The following SCARB2 variants were observed in gnomAD, a reference collection of about 807,000 sequenced individuals.
SCARB2 encodes the protein scavenger receptor class B member 2.
SCARB2 carries 29 observed loss-of-function variants against 58.6 expected under a neutral mutation model. That is an observed-to-expected ratio of 0.49 (90% CI 0.37 to 0.67). SCARB2 has a LOEUF of 0.67. Among genes scored for constraint, SCARB2 ranks in the 30% least tolerant of loss-of-function variants. The probability of loss-of-function intolerance (pLI) is 0.00; values close to 1 mark genes in which losing one functional copy is unlikely to be tolerated. For synonymous variants in SCARB2, 195 were observed against 210.1 expected (o/e 0.93, Z 0.62); for missense variants, 488 against 578.5 (o/e 0.84, Z 1.60).
intron 2 of SCARB2, among the ~76,000 whole-genome samples, chr4:76,189,271 T>A (rs927268482): frequency 4.6e-5 from 7 of 152,192 alleles, no homozygotes; most frequent in African/African-American, 1.7e-4. Context: ...ATGCACATAT[T>A]TATTAGTCTG....
At position 76,213,530 on chromosome 4, in the gene SCARB2, C is replaced by G. The variant is rs981523771; in HGVS notation, c.14G>C (p.Cys5Ser). ...GGACAACGTCCCCGCCGTGTAGAAG[C>G]AGCATCGGCCCATTCTGTGCGCCGC... Reference protein sequence around the residue: MGRCCFYTAGTLSLL... With the variant: MGRCSFYTAGTLSLL... Residue 5 changes from cysteine to serine, a missense_variant, in exon 1 of 12, where the codon TGC becomes TCC. By Grantham distance (112) the Cys-to-Ser change is moderately radical. Transcript: ENST00000264896. 6.2e-7 allele frequency: 1 copy of G among 1,609,746 alleles called. No homozygotes were observed. Among genetic ancestry groups the G allele is most frequent in the Non-Finnish European group, 8.5e-7 (1 of 1,178,230 alleles).
rs150870503 is a variant in SCARB2 at position 76,174,227 on chromosome 4, T to C, written c.911A>G (p.Asn304Ser). 77 of 1,614,114 alleles carry C rather than the reference T, an allele frequency of 4.8e-5. No homozygotes were observed. Among genetic ancestry groups the C allele is most frequent in the Non-Finnish European group, 5.8e-5 (69 of 1,180,044 alleles). The change falls in exon 7 of 12, where the codon AAT becomes AGT. Residue 304 changes from asparagine (N) to serine (S), a missense_variant. Physicochemically the swap from Asn to Ser is conservative, Grantham distance 46. Coordinates refer to ENST00000264896, the MANE Select transcript of SCARB2 (RefSeq NM_005506.4). ...RYKVPAEILA[N>S]TSDNAGFCIP... ...ACAGAAGCCGGCATTGTCTGACGTA[T>C]TGGCTAATATTTCTGCAGGAACTTT...
At chr4:76,228,348 G>A (rs1340954938) in intron 1 of SCARB2, among the ~76,000 whole-genome samples, 8 of 151,820 alleles carry the variant, frequency 5.3e-5, no homozygotes, top group Admixed American at 5.2e-4. Context: ...GTGTGGTAGT[G>A]CATGCCTGTA....
chr4:76,221,697 C>T (rs938687665), intron 1 of SCARB2, among the ~76,000 whole-genome samples: 1 of 152,184 alleles, frequency 6.6e-6, no homozygotes, highest in Non-Finnish European at 1.5e-5. Flanking sequence ...AGCTAAAGAG[C>T]TAAGCATCAA....
rs753621410 is a variant in SCARB2, at chr4:76,163,323, T to A, written c.1300A>T (p.Ile434Phe). ...RLKSMINTTL[I>F]ITNIPYIIMA... ...ATGATGTAGGGTATGTTGGTGATGA[T>A]CAAAGTAGTGTTAATCATAGACTTC... The change falls in exon 11 of 12, where the codon ATC (isoleucine) becomes TTC (phenylalanine). Residue 434 changes from isoleucine to phenylalanine, a missense_variant. Coordinates refer to ENST00000264896, the MANE Select transcript of SCARB2 (RefSeq NM_005506.4). The A allele has an allele frequency of 6.2e-7, 1 of 1,614,084 alleles. No individual in the cohort carries two copies. The highest frequency in any genetic ancestry group is 1.3e-5 in the African/African-American group (1 of 74,928).
chr4:76,183,084 T>C (rs1732417886), intron 2 of SCARB2, among the ~76,000 whole-genome samples: 1 of 152,240 alleles, frequency 6.6e-6, no homozygotes, highest in Non-Finnish European at 1.5e-5. Context: ...TGCATTCATA[T>C]AGATGCATAC....
At chr4:76,210,498 G>A (rs886604990) in intron 1 of SCARB2, among the ~76,000 whole-genome samples, 1 of 152,218 alleles carries the variant, frequency 6.6e-6, no homozygotes, top group African/African-American at 2.4e-5. Flanking sequence ...AGGCCTAAGG[G>A]AGGAAAAGGA....
At chr4:76,209,861 A>G (rs1294108049) in intron 1 of SCARB2, among the ~76,000 whole-genome samples, 1 of 152,190 alleles carries the variant, frequency 6.6e-6, no homozygotes, top group Non-Finnish European at 1.5e-5. Context: ...AAAGGTGTAA[A>G]CAGTCTCCCA....
At chr4:76,225,095 A>G (rs553708504) in intron 1 of SCARB2, among the ~76,000 whole-genome samples, 1 of 152,284 alleles carries the variant, frequency 6.6e-6, no homozygotes, top group African/African-American at 2.4e-5. Flanking sequence ...AACTCCACCC[A>G]GGTTGCTGCA....
chr4:76,202,287 G>C (rs1020810856), intron 1 of SCARB2, among the ~76,000 whole-genome samples: 1 of 151,982 alleles, frequency 6.6e-6, no homozygotes, highest in African/African-American at 2.4e-5. Context: ...TTTTGAGAGG[G>C]AGTCTCATTC....
At chr4:76,196,647 C>G (rs1000231661) in intron 1 of SCARB2, among the ~76,000 whole-genome samples, 1 of 152,192 alleles carries the variant, frequency 6.6e-6, no homozygotes, top group African/African-American at 2.4e-5. Context: ...ACATCCATCC[C>G]TACCGCCTCC....
At chr4:76,178,438 C>A (rs879644273) in intron 4 of SCARB2, among the ~76,000 whole-genome samples, 2 of 152,140 alleles carry the variant, frequency 1.3e-5, no homozygotes, top group African/African-American at 2.4e-5. Flanking sequence ...TTATATAATG[C>A]AAATTATCTG....
At chr4:76,193,465 C>A (rs1040983938) in intron 2 of SCARB2, 2 of 152,294 alleles carry the variant, frequency 1.3e-5, no homozygotes, top group African/African-American at 4.8e-5. Context: ...GTAGAGCCAC[C>A]ATCAGCTTGC....
intron 1 of SCARB2, among the ~76,000 whole-genome samples, chr4:76,202,379 AG>A (rs1732845099): frequency 6.6e-6 from 1 of 152,120 alleles, no homozygotes; most frequent in Non-Finnish European, 1.5e-5. Flanking sequence ...CTCCTGCCTC[AG>A]CCTCTCGAGT....
intron 1 of SCARB2, among the ~76,000 whole-genome samples, chr4:76,196,684 C>CT (rs1341970240): frequency 2.0e-5 from 3 of 152,162 alleles, no homozygotes; most frequent in Non-Finnish European, 4.4e-5. Context: ...AATGTATTTT[C>CT]TTATTGGATC....
At position 76,182,905 on chromosome 4, in the gene SCARB2, T is replaced by G. The variant is rs1578725269; in HGVS notation, c.276-1804A>C. 2.6e-5 allele frequency among the ~76,000 whole-genome samples: 4 copies of G among 152,102 alleles called. No individual in the cohort carries two copies. In the South Asian group the frequency reaches 8.3e-4, roughly 32 times the overall value. On this transcript the variant is annotated intron_variant, in intron 2 of 11. Coordinates refer to ENST00000264896, the MANE Select transcript of SCARB2 (RefSeq NM_005506.4). ...TACAATGGGTTTATCTGGATGTAAC[T>G]CTATCGTCATTGGAGGGGCATGCCA...
chr4:76,223,542 TC>T (rs1733345099), intron 1 of SCARB2, among the ~76,000 whole-genome samples: 1 of 152,152 alleles, frequency 6.6e-6, no homozygotes, highest in Non-Finnish European at 1.5e-5. Context: ...CTTCCTCTAA[TC>T]CCTTGCTACT....
At chr4:76,195,472 G>A (rs1028727999) in intron 2 of SCARB2, 1 of 542,372 alleles carries the variant, frequency 1.8e-6, no homozygotes, top group African/African-American at 1.9e-5. Flanking sequence ...GCCAACTCAG[G>A]AGGAAACCGC....
At chr4:76,186,774 T>C (rs1157706428) in intron 2 of SCARB2, among the ~76,000 whole-genome samples, 2 of 152,192 alleles carry the variant, frequency 1.3e-5, no homozygotes, top group Non-Finnish European at 2.9e-5. Context: ...TTGTGCATGA[T>C]AAGATGGTGT....
Sources: gnomAD v4.1 joint callset for allele counts (sites outside exome capture counted in the v4.1 genomes callset) on GRCh38, gnomAD v4.1.1 for gene constraint, MANE v1.5 for transcripts, NCBI Gene and HGNC (gene_info 2026-07-23, HGNC 2026-07-21) for gene names.